STX8: variants seen among roughly 807,000 people sequenced by gnomAD.
STX8 encodes the protein syntaxin 8, also known as syntaxin-8.
Under a neutral mutation model 37.5 loss-of-function variants are expected in STX8, and 23 were observed. That is an observed-to-expected ratio of 0.61 (90% CI 0.44 to 0.87). The LOEUF (loss-of-function observed/expected upper bound fraction) is 0.87. Among genes scored for constraint, STX8 ranks in the 40% least tolerant of loss-of-function variants. The pLI is 0.00. For synonymous variants in STX8, 115 were observed against 99.1 expected, an observed-to-expected ratio of 1.16 and a Z score of -0.95; for missense variants, 313 against 284.7, an observed-to-expected ratio of 1.10 and a Z score of -0.71.
chr17:9,322,518 G>A (rs1366760879), intron 7 of STX8, among the ~76,000 whole-genome samples: 1 of 152,064 alleles, frequency 6.6e-6, no homozygotes, highest in Admixed American at 6.6e-5. Context: ...CAGGGGGTGG[G>A]ACCAGAGCTC....
chr17:9,373,308 T>G (rs2142276116), intron 7 of STX8, among the ~76,000 whole-genome samples: 1 of 152,316 alleles, frequency 6.6e-6, no homozygotes, highest in African/African-American at 2.4e-5. Context: ...AGCAGCTATT[T>G]GTACAGCAAC....
chr17:9,372,768 G>A (rs751866056), intron 7 of STX8, among the ~76,000 whole-genome samples: 6 of 137,384 alleles, frequency 4.4e-5, no homozygotes, highest in Admixed American at 3.0e-4. Flanking sequence ...GAGCCACCAC[G>A]CCCAGCCCTC....
At chr17:9,471,871 G>C (rs1905880062) in intron 6 of STX8, among the ~76,000 whole-genome samples, 1 of 152,066 alleles carries the variant, frequency 6.6e-6, no homozygotes, top group South Asian at 2.1e-4. Context: ...GTATCCTTTT[G>C]CTATGATAAA....
At chr17:9,546,216 G>A (rs1392444295) in intron 3 of STX8, among the ~76,000 whole-genome samples, 2 of 152,190 alleles carry the variant, frequency 1.3e-5, no homozygotes, top group Non-Finnish European at 2.9e-5. Context: ...TCATTTTAAT[G>A]TGTGAATCTA....
intron 1 of STX8, among the ~76,000 whole-genome samples, chr17:9,571,908 C>T (rs1229139104): frequency 6.6e-6 from 1 of 150,812 alleles, no homozygotes; most frequent in Non-Finnish European, 1.5e-5. Context: ...GAGCAAGACT[C>T]CATCTCAAAA....
chr17:9,459,606 C>T (rs1905291612), intron 6 of STX8, among the ~76,000 whole-genome samples: 2 of 152,308 alleles, frequency 1.3e-5, no homozygotes, highest in South Asian at 4.1e-4. Flanking sequence ...AGCTCTGTCT[C>T]CCAGGTTCAC....
chr17:9,294,826 T>C (rs1908454985), intron 7 of STX8, among the ~76,000 whole-genome samples: 1 of 152,120 alleles, frequency 6.6e-6, no homozygotes, highest in African/African-American at 2.4e-5. Flanking sequence ...GGGGTACTAG[T>C]CCAATAGGAC....
intron 6 of STX8, among the ~76,000 whole-genome samples, chr17:9,442,987 T>C (rs1004350794): frequency 6.6e-5 from 10 of 152,220 alleles, no homozygotes; most frequent in African/African-American, 2.4e-4. Flanking sequence ...CAAAAGCTGA[T>C]GAAATGTGGA....
At chr17:9,533,691 T>C (rs567600313) in intron 4 of STX8, among the ~76,000 whole-genome samples, 2 of 152,082 alleles carry the variant, frequency 1.3e-5, no homozygotes, top group South Asian at 4.2e-4. Context: ...AGAAAGAAGG[T>C]TCTTAATGAG....
intron 7 of STX8, among the ~76,000 whole-genome samples, chr17:9,289,884 C>T (rs1231476182): frequency 6.6e-6 from 1 of 152,090 alleles, no homozygotes; most frequent in African/African-American, 2.4e-5. Flanking sequence ...CAATAAACTA[C>T]GTAGCTCTGT....
At chr17:9,559,093 C>A (rs936995170) in intron 2 of STX8, among the ~76,000 whole-genome samples, 43 of 151,906 alleles carry the variant, frequency 2.8e-4, no homozygotes, top group Non-Finnish European at 8.8e-5. Context: ...AACATTGAAA[C>A]CATGAAAGCA....
At chr17:9,574,504 G>A (rs917263557) in intron 1 of STX8, among the ~76,000 whole-genome samples, 21 of 151,004 alleles carry the variant, frequency 1.4e-4, no homozygotes, top group South Asian at 6.3e-4. Flanking sequence ...ATCAAGGGGT[G>A]TATATAACTG....
At chr17:9,254,782 C>G (rs1170931203) in intron 7 of STX8, among the ~76,000 whole-genome samples, 1 of 152,110 alleles carries the variant, frequency 6.6e-6, no homozygotes, top group East Asian at 1.9e-4. Flanking sequence ...TCTCGTTCAC[C>G]GCCATATCCC....
At chr17:9,281,489 G>GT (rs1907880842) in intron 7 of STX8, among the ~76,000 whole-genome samples, 1 of 147,152 alleles carries the variant, frequency 6.8e-6, no homozygotes, top group African/African-American at 2.5e-5. Context: ...ACGATATTTG[G>GT]TTTTCTTCCA....
At chr17:9,301,350 C>G (rs1465920051) in intron 7 of STX8, among the ~76,000 whole-genome samples, 1 of 152,090 alleles carries the variant, frequency 6.6e-6, no homozygotes, top group Non-Finnish European at 1.5e-5. Flanking sequence ...GATTACAAGG[C>G]TTTACTCCAT....
At chr17:9,292,362 G>T (rs1056506263) in intron 7 of STX8, among the ~76,000 whole-genome samples, 2 of 152,248 alleles carry the variant, frequency 1.3e-5, no homozygotes, top group Admixed American at 6.5e-5. Flanking sequence ...TCACCACCGT[G>T]TGGTGGAAGG....
chr17:9,479,883 C>T (rs1289352841), intron 6 of STX8, among the ~76,000 whole-genome samples: 1 of 152,108 alleles, frequency 6.6e-6, no homozygotes, highest in Non-Finnish European at 1.5e-5. Flanking sequence ...ACCCTGGGTA[C>T]ACTGACTGAC....
chr17:9,551,179 G>A (rs149035062), intron 3 of STX8, among the ~76,000 whole-genome samples: 61 of 152,316 alleles, frequency 4.0e-4, no homozygotes, highest in Admixed American at 1.1e-3. Flanking sequence ...AAGAAGAACT[G>A]CAAGGGAACA....
intron 7 of STX8, among the ~76,000 whole-genome samples, chr17:9,279,677 C>G (rs536625783): frequency 1.3e-5 from 2 of 152,064 alleles, no homozygotes; most frequent in African/African-American, 4.8e-5. Context: ...TTCCCTGCTA[C>G]AGAACATCCC....
Sources: gnomAD v4.1 joint callset for allele counts (sites outside exome capture counted in the v4.1 genomes callset) on GRCh38, gnomAD v4.1.1 for gene constraint, MANE v1.5 for transcripts, NCBI Gene and HGNC (gene_info 2026-07-23, HGNC 2026-07-21) for gene names.